LSAMP: variants seen among roughly 807,000 people sequenced by gnomAD.
LSAMP encodes limbic system associated membrane protein.
Under a neutral mutation model 38.6 loss-of-function variants are expected in LSAMP, and 7 were observed. The observed-to-expected ratio is 0.18, with a 90% CI of 0.10 to 0.34. The LOEUF is 0.34. LSAMP is among the 10% of genes least tolerant of loss of function. The probability of loss-of-function intolerance (pLI) is 1.00; values close to 1 mark genes in which losing one functional copy is unlikely to be tolerated. For missense variants in LSAMP, 313 were observed against 420.0 expected (o/e 0.75, Z 2.23); for synonymous variants, 154 against 166.8 (o/e 0.92, Z 0.59).
At chr3:115,902,263 T>C (rs2107485241) in intron 3 of LSAMP, among the ~76,000 whole-genome samples, 1 of 151,972 alleles carries the variant, frequency 6.6e-6, no homozygotes, top group African/African-American at 2.4e-5. Context: ...TCACTGAAAG[T>C]AGGAAGAAAA....
At chr3:116,230,703 T>C (rs914450239) in intron 1 of LSAMP, among the ~76,000 whole-genome samples, 18 of 152,140 alleles carry the variant, frequency 1.2e-4, no homozygotes, top group Admixed American at 2.0e-4. Context: ...AATTGCTGCC[T>C]CAGCTCCTTG....
At chr3:115,816,742 G>A (rs1156640574) in intron 6 of LSAMP, 2 of 590,276 alleles carry the variant, frequency 3.4e-6, no homozygotes, top group Non-Finnish European at 5.3e-6. Context: ...CCACTGAAAG[G>A]CGAATAAGAG....
intron 1 of LSAMP, among the ~76,000 whole-genome samples, chr3:116,242,765 GA>G (rs143247824): frequency 2.1e-5 from 3 of 144,584 alleles, no homozygotes; most frequent in Admixed American, 6.9e-5. Context: ...TTTTAACATT[GA>G]AAAAAAAAAC....
At chr3:115,961,922 T>C (rs1156911920) in intron 3 of LSAMP, among the ~76,000 whole-genome samples, 2 of 152,178 alleles carry the variant, frequency 1.3e-5, no homozygotes, top group African/African-American at 4.8e-5. Flanking sequence ...AAAATATGCT[T>C]TGTGACAGGT....
intron 1 of LSAMP, among the ~76,000 whole-genome samples, chr3:116,207,764 C>T (rs796228021): frequency 5.3e-5 from 8 of 151,814 alleles, no homozygotes; most frequent in South Asian, 4.2e-4. Flanking sequence ...GGGTTTCTGC[C>T]GAGAGATCAG....
intron 1 of LSAMP, among the ~76,000 whole-genome samples, chr3:116,391,215 C>T (rs763951062): frequency 9.2e-5 from 14 of 152,016 alleles, no homozygotes; most frequent in South Asian, 4.2e-4. Flanking sequence ...CCGTCTGGAG[C>T]GGCTGCTGCC....
intron 1 of LSAMP, among the ~76,000 whole-genome samples, chr3:116,399,231 A>G (rs1433820059): frequency 6.6e-6 from 1 of 152,206 alleles, no homozygotes; most frequent in Non-Finnish European, 1.5e-5. Flanking sequence ...GGGAGCAATT[A>G]AATAATTGTA....
intron 5 of LSAMP, 55 bp downstream of exon 5, chr3:115,842,403 G>A (rs929379066): frequency 5.7e-6 from 9 of 1,576,724 alleles, no homozygotes; most frequent in Admixed American, 3.6e-5. Flanking sequence ...TGGGGATTCT[G>A]GTGTCCCCAG....
chr3:116,444,021 T>C (rs970706236), intron 1 of LSAMP, among the ~76,000 whole-genome samples: 1 of 152,182 alleles, frequency 6.6e-6, no homozygotes, highest in Non-Finnish European at 1.5e-5. Flanking sequence ...GACTCTTCTT[T>C]CCAAATTTCA....
intron 1 of LSAMP, among the ~76,000 whole-genome samples, chr3:116,179,251 C>G (rs1343212750): frequency 6.6e-6 from 1 of 152,148 alleles, no homozygotes; most frequent in African/African-American, 2.4e-5. Context: ...GAAACAGTTT[C>G]ATCTGTGGTC....
chr3:115,833,498 C>A (rs1036400204), intron 6 of LSAMP, among the ~76,000 whole-genome samples: 1 of 150,920 alleles, frequency 6.6e-6, no homozygotes, highest in African/African-American at 2.4e-5. Context: ...ATCCTTAGTT[C>A]GAAAATAATT....
intron 1 of LSAMP, among the ~76,000 whole-genome samples, chr3:116,424,851 C>A (rs1290568665): frequency 2.6e-5 from 4 of 152,112 alleles, no homozygotes; most frequent in East Asian, 3.9e-4. Context: ...ATTATAATTT[C>A]ATTTATTCTG....
chr3:115,826,100 C>CTTTTATTTTTAT (rs147152802), intron 6 of LSAMP, among the ~76,000 whole-genome samples: 14,284 of 149,046 alleles, frequency 0.096, 1,482 homozygotes, highest in African/African-American at 0.25. Context: ...CTCTTTCTGT[C>CTTTTATTTTTAT]TTTTATTTTT....
At chr3:116,111,765 GT>G (rs1299486574) in intron 1 of LSAMP, among the ~76,000 whole-genome samples, 4 of 152,002 alleles carry the variant, frequency 2.6e-5, no homozygotes, top group African/African-American at 9.7e-5. Flanking sequence ...CACTTATTCC[GT>G]TTTTACTACT....
intron 1 of LSAMP, among the ~76,000 whole-genome samples, chr3:116,111,380 G>A (rs994157447): frequency 2.6e-5 from 4 of 152,148 alleles, no homozygotes; most frequent in African/African-American, 9.7e-5. Flanking sequence ...TCTGATTTGT[G>A]CCTAACAGAA....
intron 4 of LSAMP, among the ~76,000 whole-genome samples, chr3:115,850,582 A>G (rs999478897): frequency 1.3e-5 from 2 of 152,234 alleles, no homozygotes; most frequent in African/African-American, 4.8e-5. Flanking sequence ...AACACACCCA[A>G]CACTAGAAAA....
chr3:116,345,648 A>C (rs939871890), intron 1 of LSAMP, among the ~76,000 whole-genome samples: 8 of 152,202 alleles, frequency 5.3e-5, no homozygotes, highest in African/African-American at 1.9e-4. Flanking sequence ...CAGTTTCATA[A>C]TAATGTTATT....
At chr3:116,046,916 G>A (rs934539911) in intron 2 of LSAMP, among the ~76,000 whole-genome samples, 3 of 152,030 alleles carry the variant, frequency 2.0e-5, no homozygotes. Flanking sequence ...TATTCCAGGG[G>A]CTCACTCATA....
intron 1 of LSAMP, among the ~76,000 whole-genome samples, chr3:116,120,763 A>G (rs1708856146): frequency 6.6e-6 from 1 of 152,180 alleles, no homozygotes; most frequent in Non-Finnish European, 1.5e-5. Context: ...TAATAAATAC[A>G]TGCAAAGTTT....
Sources: allele counts gnomAD v4.1 joint callset (sites outside exome capture counted in the v4.1 genomes callset), GRCh38; gene constraint gnomAD v4.1.1; transcripts MANE v1.5; gene names NCBI Gene and HGNC (gene_info 2026-07-23, HGNC 2026-07-21).